Variants in CSMD1 observed in about 807,000 individuals in gnomAD.
CSMD1 encodes the protein CUB and Sushi multiple domains 1, also known as CUB and sushi domain-containing protein 1.
Under a neutral mutation model 417.5 loss-of-function variants are expected in CSMD1, and 213 were observed. The ratio of observed to expected loss-of-function variants is 0.51; its 90% CI spans 0.46 to 0.57. CSMD1 has a LOEUF of 0.57. Ranked by LOEUF, CSMD1 falls within the 20% of genes least tolerant of loss-of-function variation. CSMD1 has a pLI of 0.00. For synonymous variants in CSMD1, 2,862 were observed against 1,736.8 expected (o/e 1.65, Z -16.11); for missense variants, 6,923 against 4,529.7 (o/e 1.53, Z -15.17).
At chr8:3,157,761 A>G (rs1392691864) in intron 39 of CSMD1, 136 bp downstream of exon 39, 1 of 685,878 alleles carries the variant, frequency 1.5e-6, no homozygotes, top group Non-Finnish European at 2.6e-6. Flanking sequence ...GCTCTACTGC[A>G]TTATGTGCTA....
chr8:4,104,597 GAA>G (rs1801474340), intron 3 of CSMD1, among the ~76,000 whole-genome samples: 1 of 151,958 alleles, frequency 6.6e-6, no homozygotes, highest in African/African-American at 2.4e-5. Flanking sequence ...AATTGCATGA[GAA>G]CGGTCTGAAT....
At chr8:3,464,367 C>T (rs539446020) in intron 12 of CSMD1, among the ~76,000 whole-genome samples, 59 of 152,216 alleles carry the variant, frequency 3.9e-4, no homozygotes, top group African/African-American at 1.2e-3. Context: ...TGGCTAGAAG[C>T]TGCAGTGGTT....
intron 2 of CSMD1, among the ~76,000 whole-genome samples, chr8:4,431,291 T>C (rs190154488): frequency 1.3e-3 from 195 of 152,296 alleles, no homozygotes; most frequent in African/African-American, 4.5e-3. Context: ...TTTTATCATA[T>C]CTCACAAACT....
chr8:4,562,179 A>G (rs889980056), intron 2 of CSMD1, among the ~76,000 whole-genome samples: 1 of 152,230 alleles, frequency 6.6e-6, no homozygotes, highest in African/African-American at 2.4e-5. Flanking sequence ...CATGAGCAGT[A>G]GGAAGAAACT....
At chr8:3,722,502 G>T (rs7837797) in intron 6 of CSMD1, among the ~76,000 whole-genome samples, 88,895 of 151,828 alleles carry the variant, frequency 0.59, 26,121 homozygotes, top group Middle Eastern at 0.74. Context: ...TGAAAAGCAG[G>T]GTCTGTCTTA....
chr8:3,534,789 T>C (rs188137510), intron 10 of CSMD1, among the ~76,000 whole-genome samples: 2 of 152,346 alleles, frequency 1.3e-5, no homozygotes, highest in East Asian at 1.9e-4. Flanking sequence ...TATTTCCTTG[T>C]TACAAATTTC....
chr8:3,542,340 A>G (rs2116714131), intron 10 of CSMD1, among the ~76,000 whole-genome samples: 1 of 152,348 alleles, frequency 6.6e-6, no homozygotes, highest in Middle Eastern at 3.4e-3. Context: ...TTCATTCAGA[A>G]TCTTCAATTC....
chr8:4,139,146 A>G (rs1803621757), intron 3 of CSMD1, among the ~76,000 whole-genome samples: 1 of 152,130 alleles, frequency 6.6e-6, no homozygotes, highest in Admixed American at 6.6e-5. Flanking sequence ...CCCATTTCCT[A>G]CTGGTTTTAT....
At chr8:3,121,050 T>A (rs566385625) in intron 41 of CSMD1, among the ~76,000 whole-genome samples, 46 of 152,066 alleles carry the variant, frequency 3.0e-4, no homozygotes, top group African/African-American at 1.1e-3. Flanking sequence ...TTAAAGATGT[T>A]CATTGCAGCA....
chr8:3,352,379 G>T (rs1022359877), intron 21 of CSMD1, among the ~76,000 whole-genome samples: 3 of 152,150 alleles, frequency 2.0e-5, no homozygotes, highest in Non-Finnish European at 4.4e-5. Flanking sequence ...AGATTGACTT[G>T]TGACACAAAT....
At chr8:4,427,066 G>A (rs1797602102) in intron 2 of CSMD1, among the ~76,000 whole-genome samples, 2 of 151,984 alleles carry the variant, frequency 1.3e-5, no homozygotes, top group African/African-American at 2.4e-5. Context: ...AGAGAGCTTG[G>A]GAGATCAAAG....
At chr8:3,366,248 G>T (rs74592978) in intron 20 of CSMD1, among the ~76,000 whole-genome samples, 4,585 of 152,194 alleles carry the variant, frequency 0.03, 95 homozygotes, top group East Asian at 0.08. Flanking sequence ...GGTGGAGGGT[G>T]GGGGCATGCT....
At chr8:4,754,025 G>A (rs757261152) in intron 1 of CSMD1, among the ~76,000 whole-genome samples, 10 of 152,112 alleles carry the variant, frequency 6.6e-5, no homozygotes, top group African/African-American at 1.9e-4. Context: ...TCGCTTTGAA[G>A]GTTGTTAACA....
At chr8:3,310,860 T>C (rs1370744717) in intron 23 of CSMD1, among the ~76,000 whole-genome samples, 2 of 151,654 alleles carry the variant, frequency 1.3e-5, no homozygotes, top group African/African-American at 4.8e-5. Flanking sequence ...TTCTCGTTTT[T>C]CAAGGGGCAA....
At chr8:3,028,016 G>A (rs73505017) in intron 51 of CSMD1, among the ~76,000 whole-genome samples, 1,834 of 152,276 alleles carry the variant, frequency 0.012, 36 homozygotes, top group African/African-American at 0.042. Flanking sequence ...CATTTGGCAC[G>A]GCCCTGCTCT....
At chr8:3,296,645 A>G (rs4355794) in intron 25 of CSMD1, among the ~76,000 whole-genome samples, 86,011 of 151,870 alleles carry the variant, frequency 0.57, 24,913 homozygotes, top group Middle Eastern at 0.72. Context: ...TGAGCTGAAT[A>G]TGGAGGTACC....
At chr8:3,894,440 T>G (rs1807213707) in intron 5 of CSMD1, among the ~76,000 whole-genome samples, 1 of 152,108 alleles carries the variant, frequency 6.6e-6, no homozygotes, top group Admixed American at 6.5e-5. Flanking sequence ...TTTTTTCAAG[T>G]AAAAGAAAAT....
In CSMD1 at chr8:3,434,313, T is replaced by G. The variant is rs371143323; in HGVS notation, c.1562-24708A>C. Among the ~76,000 whole-genome samples, 8 of 152,200 alleles carry G rather than the reference T, an allele frequency of 5.3e-5. No homozygotes were observed. In the East Asian group the frequency reaches 9.6e-4, roughly 18 times the overall value. On this transcript the variant is annotated intron_variant, in intron 12 of 69. Coordinates refer to ENST00000635120, the MANE Select transcript of CSMD1 (RefSeq NM_033225.6). ...ATCTCTAATGCAAAACTCATCTAAT[T>G]ACCAGTAGATGTTCCTATATGTAAT...
chr8:3,357,536 A>C (rs915693530), intron 21 of CSMD1, among the ~76,000 whole-genome samples: 6 of 152,226 alleles, frequency 3.9e-5, no homozygotes, highest in Non-Finnish European at 7.3e-5. Context: ...CCACAGAGTA[A>C]AAACCTGAAT....
Sources: gnomAD v4.1 joint callset for allele counts (sites outside exome capture counted in the v4.1 genomes callset) on GRCh38, gnomAD v4.1.1 for gene constraint, MANE v1.5 for transcripts, NCBI Gene and HGNC (gene_info 2026-07-23, HGNC 2026-07-21) for gene names.